Variants in CABLES1 observed in about 807,000 individuals in gnomAD.
CABLES1 encodes CDK5 and ABL1 enzyme substrate 1.
Under a neutral mutation model 57.8 loss-of-function variants are expected in CABLES1, and 36 were observed. The observed-to-expected ratio is 0.62, with a 90% CI of 0.48 to 0.82. The LOEUF (loss-of-function observed/expected upper bound fraction) is 0.82, where lower values mean the gene tolerates loss of function less well. Ranked by LOEUF, CABLES1 falls within the 40% of genes least tolerant of loss-of-function variation. CABLES1 has a pLI of 0.00. For synonymous variants in CABLES1, 374 were observed against 363.0 expected, an observed-to-expected ratio of 1.03 and a Z score of -0.35; for missense variants, 767 against 836.6, an observed-to-expected ratio of 0.92 and a Z score of 1.03.
At chr18:23,188,798 A>T (rs779746062) in intron 1 of CABLES1, 40 bp from the exon 2 acceptor site, 7 of 1,394,408 alleles carry the variant, frequency 5.0e-6, no homozygotes, top group Non-Finnish European at 7.1e-6. Flanking sequence ...CAGTTCTGCA[A>T]TGCAGTTTTA....
At chr18:23,182,243 G>C (rs1417699910) in intron 1 of CABLES1, among the ~76,000 whole-genome samples, 3 of 152,096 alleles carry the variant, frequency 2.0e-5, no homozygotes, top group Admixed American at 2.0e-4. Flanking sequence ...AAGCCTTTTG[G>C]TCTTTTGCGG....
chr18:23,158,058 G>A (rs2046977361), intron 1 of CABLES1, among the ~76,000 whole-genome samples: 1 of 151,522 alleles, frequency 6.6e-6, no homozygotes, highest in African/African-American at 2.4e-5. Context: ...GAGGCAGGTG[G>A]ATCACTTGAG....
At chr18:23,244,033 T>C (rs1007686565) in intron 7 of CABLES1, among the ~76,000 whole-genome samples, 4 of 152,228 alleles carry the variant, frequency 2.6e-5, no homozygotes, top group African/African-American at 9.7e-5. Context: ...TTTCTATGTA[T>C]TTGTCTCGGA....
chr18:23,159,136 T>C (rs2046985203), intron 1 of CABLES1, among the ~76,000 whole-genome samples: 1 of 152,222 alleles, frequency 6.6e-6, no homozygotes, highest in African/African-American at 2.4e-5. Context: ...CGGTTAATTT[T>C]GTATTTCTAG....
intron 1 of CABLES1, among the ~76,000 whole-genome samples, chr18:23,167,109 A>G (rs2144984339): frequency 6.6e-6 from 1 of 152,142 alleles, no homozygotes; most frequent in East Asian, 1.9e-4. Context: ...AACTAATCTC[A>G]AGATCATCAT....
At chr18:23,254,178 C>CT (rs1490988216) in intron 9 of CABLES1, among the ~76,000 whole-genome samples, 1 of 152,228 alleles carries the variant, frequency 6.6e-6, no homozygotes, top group African/African-American at 2.4e-5. Flanking sequence ...AGTCCATTCT[C>CT]AGACACCATG....
chr18:23,200,547 C>T (rs1247946555), intron 3 of CABLES1, among the ~76,000 whole-genome samples: 1 of 151,972 alleles, frequency 6.6e-6, no homozygotes, highest in Non-Finnish European at 1.5e-5. Context: ...CAGGCGTGAG[C>T]CACCGTGCCC....
chr18:23,230,297 A>G (rs1266904829), intron 4 of CABLES1, among the ~76,000 whole-genome samples: 2 of 152,206 alleles, frequency 1.3e-5, no homozygotes, highest in African/African-American at 2.4e-5. Context: ...GCATGAACCC[A>G]GGAGGCGGAG....
chr18:23,216,337 G>A (rs575510527), intron 4 of CABLES1, among the ~76,000 whole-genome samples: 3 of 152,186 alleles, frequency 2.0e-5, no homozygotes, highest in Admixed American at 1.3e-4. Flanking sequence ...CTGTTCAGCC[G>A]TAAGTTTTTC....
chr18:23,225,388 C>T (rs1038617197), intron 4 of CABLES1, among the ~76,000 whole-genome samples: 2 of 152,118 alleles, frequency 1.3e-5, no homozygotes, highest in Admixed American at 6.5e-5. Flanking sequence ...AGCCTCACCT[C>T]CTAAACAAAG....
intron 1 of CABLES1, among the ~76,000 whole-genome samples, chr18:23,156,292 A>G (rs79306228): frequency 0.032 from 4,871 of 152,248 alleles, 168 homozygotes; most frequent in African/African-American, 0.086. Context: ...TGAGCTCCAT[A>G]GACCTTGGAT....
intron 3 of CABLES1, among the ~76,000 whole-genome samples, chr18:23,202,872 A>G (rs969075456): frequency 1.3e-5 from 2 of 151,860 alleles, no homozygotes; most frequent in South Asian, 2.1e-4. Flanking sequence ...CTGTAGTCCC[A>G]GTTACTCGGG....
chr18:23,147,860 T>A (rs2144956732), intron 1 of CABLES1, among the ~76,000 whole-genome samples: 1 of 151,924 alleles, frequency 6.6e-6, no homozygotes, highest in South Asian at 2.1e-4. Context: ...GCAGCCCACG[T>A]GGGGCACATG....
chr18:23,230,144 G>A (rs554699689), intron 4 of CABLES1, among the ~76,000 whole-genome samples: 7 of 152,294 alleles, frequency 4.6e-5, no homozygotes, highest in Non-Finnish European at 7.4e-5. Context: ...GAGGCCAGGC[G>A]GGCGGATCAC....
chr18:23,170,576 T>A lies in CABLES1; in HGVS notation c.846-18262T>A, dbSNP rs112677959. On this transcript the variant is annotated intron_variant, in intron 1 of 9. Coordinates refer to ENST00000256925, the MANE Select transcript of CABLES1 (RefSeq NM_001100619.3). ...CATAGCAGAAGCCAGACTGCTGGGG[T>A]TTTATGAACCCAGGAAAATGGGCTC... Among the ~76,000 whole-genome samples the A allele has an allele frequency of 1.7e-3, 254 of 152,184 alleles. 4 individuals carry two copies. The highest frequency in any genetic ancestry group is 5.8e-3 in the African/African-American group (242 of 41,514).
At chr18:23,160,370 G>A (rs1341556360) in intron 1 of CABLES1, among the ~76,000 whole-genome samples, 8 of 152,184 alleles carry the variant, frequency 5.3e-5, no homozygotes, top group Non-Finnish European at 1.2e-4. Context: ...TGATGGATTA[G>A]TAGAGTCTTG....
chr18:23,194,407 C>A, intron 2 of CABLES1, 41 bp from the exon 3 acceptor site: 2 of 1,263,328 alleles, frequency 1.6e-6, no homozygotes, highest in Non-Finnish European at 2.3e-6. Flanking sequence ...AGCTGTCCAG[C>A]AGGCAACTGA....
intron 3 of CABLES1, among the ~76,000 whole-genome samples, chr18:23,200,471 C>A (rs1449517666): frequency 6.6e-6 from 1 of 152,076 alleles, no homozygotes; most frequent in Non-Finnish European, 1.5e-5. Flanking sequence ...ACCATGTTAG[C>A]CAGGAAGGTC....
At chr18:23,203,149 G>GACA (rs1407474711) in intron 3 of CABLES1, among the ~76,000 whole-genome samples, 2 of 152,108 alleles carry the variant, frequency 1.3e-5, no homozygotes, top group African/African-American at 4.8e-5. Flanking sequence ...TTTCATGTGG[G>GACA]TGTCTCCTCC....
Sources: allele counts gnomAD v4.1 joint callset (sites outside exome capture counted in the v4.1 genomes callset), GRCh38; gene constraint gnomAD v4.1.1; transcripts MANE v1.5; gene names NCBI Gene and HGNC (gene_info 2026-07-23, HGNC 2026-07-21).